Variants in BAHD1 observed in about 807,000 individuals in gnomAD.
BAHD1 encodes the protein bromo adjacent homology domain containing 1.
Under a neutral mutation model 63.1 loss-of-function variants are expected in BAHD1, and 20 were observed. The ratio of observed to expected loss-of-function variants is 0.32; its 90% CI spans 0.22 to 0.46. The LOEUF is 0.46. Ranked by LOEUF, BAHD1 falls within the 20% of genes least tolerant of loss-of-function variation. BAHD1 has a pLI of 1.00. For synonymous variants in BAHD1, 408 were observed against 426.8 expected, an observed-to-expected ratio of 0.96 and a Z score of 0.54; for missense variants, 939 against 1,071.8, an observed-to-expected ratio of 0.88 and a Z score of 1.73.
chr15:40,459,280 A>C lies in BAHD1; in HGVS notation c.816A>C (p.Pro272=). ...CCAGCTCTGGGGAGGCTGCAGGCCC[A>C]CCTGGCTGGCAAGGCTGCCCTGATG... ...QGASSGEAAG[P]PGWQGCPDEP... is the part of the protein sequence containing the mutation. Residue 272 remains proline, a synonymous_variant, in exon 2 of 7, where the codon CCA becomes CCC. Transcript: ENST00000416165. 1 of 1,612,904 alleles carries C rather than the reference A, an allele frequency of 6.2e-7. No homozygotes were observed. Among genetic ancestry groups the C allele is most frequent in the Non-Finnish European group, 8.5e-7 (1 of 1,179,974 alleles).
At chr15:40,438,889 G>A (rs1045166106), upstream of BAHD1, among the ~76,000 whole-genome samples, 7 of 152,224 alleles carry the variant, frequency 4.6e-5, no homozygotes, top group South Asian at 2.1e-4. Flanking sequence ...ACAGGAGCCC[G>A]GCCTCTCTTC....
intron 1 of BAHD1, among the ~76,000 whole-genome samples, chr15:40,441,649 C>T (rs1893405147): frequency 6.8e-6 from 1 of 146,674 alleles, no homozygotes; most frequent in Non-Finnish European, 1.5e-5. Context: ...CTGCGGAGGG[C>T]GGGAGGACGC....
Position 40,459,233 on chromosome 15 carries a change from T to C in BAHD1, c.769T>C (p.Tyr257His). ...GTGGCCCAAGGTCAATGGCAAGAAC[T>C]ATCCCAAGGCTTGGCAGGGGGCCAG... ...PKWPKVNGKN[Y>H]PKAWQGASSG... The change falls in exon 2 of 7, where the codon TAT becomes CAT. Residue 257 changes from tyrosine (Y) to histidine (H), a missense_variant. Coordinates refer to ENST00000416165, the MANE Select transcript of BAHD1 (RefSeq NM_014952.5). 6.2e-7 allele frequency: 1 copy of C among 1,612,166 alleles called. No homozygotes were observed. Among genetic ancestry groups the C allele is most frequent in the Non-Finnish European group, 8.5e-7 (1 of 1,179,334 alleles).
chr15:40,440,613 G>C (rs997982240), upstream of BAHD1, among the ~76,000 whole-genome samples: 1 of 152,012 alleles, frequency 6.6e-6, no homozygotes, highest in Non-Finnish European at 1.5e-5. Context: ...TCGAGTCACC[G>C]TGGGATACGG....
chr15:40,447,523 A>G (rs1893571749), intron 1 of BAHD1, among the ~76,000 whole-genome samples: 1 of 151,530 alleles, frequency 6.6e-6, no homozygotes, highest in Non-Finnish European at 1.5e-5. Flanking sequence ...GCGCCAGTGC[A>G]CTCCAGTCTG....
chr15:40,457,428 C>G (rs913197907), intron 1 of BAHD1, among the ~76,000 whole-genome samples: 11 of 152,026 alleles, frequency 7.2e-5, no homozygotes. Context: ...AAAGCTGAGA[C>G]CTCTCCACCA....
chr15:40,447,514 C>T (rs918976011), intron 1 of BAHD1, among the ~76,000 whole-genome samples: 4 of 150,916 alleles, frequency 2.7e-5, no homozygotes, highest in African/African-American at 7.3e-5. Context: ...TTGCAGATCG[C>T]GCCAGTGCAC....
At position 40,458,925 on chromosome 15, in the gene BAHD1, G is replaced by GCCGTGA. The variant is rs768960296; in HGVS notation, c.468_473dup (p.Asp158_Arg159dup). On this transcript the variant is annotated inframe_insertion, in exon 2 of 7. Coordinates refer to ENST00000416165, the MANE Select transcript of BAHD1 (RefSeq NM_014952.5). This position sits in a 1 kb window ranked among gnomAD's most constrained non-coding sequence, Gnocchi z 4.7. ...AGTCGAGCAGGGGATCCCCACCGCAGCCGTGACCGTGATCGTGCTACTGGG... is the reference window on the plus strand; with the variant it reads ...AGTCGAGCAGGGGATCCCCACCGCAGCCGTGACCGTGACCGTGATCGTGCTACTGGG... 39 of 1,596,634 alleles carry GCCGTGA rather than the reference G, an allele frequency of 2.4e-5. 1 individual carries two copies. The South Asian group carries it at 4.2e-4, about 17-fold the overall frequency.
At chr15:40,437,957 C>G (rs914389630), upstream of BAHD1, among the ~76,000 whole-genome samples, 12 of 152,344 alleles carry the variant, frequency 7.9e-5, no homozygotes, top group African/African-American at 2.9e-4. Context: ...GCAGTTAACC[C>G]TTCCCGATGG....
intron 1 of BAHD1, among the ~76,000 whole-genome samples, chr15:40,453,204 A>T (rs1893755920): frequency 6.6e-6 from 1 of 152,140 alleles, no homozygotes; most frequent in African/African-American, 2.4e-5. Context: ...AGCTAAATAC[A>T]TTGCTCAGGA....
In BAHD1 at chr15:40,459,605, C is replaced by T; in HGVS notation, c.1141C>T (p.Leu381=). The change falls in exon 2 of 7, where the codon CTG becomes TTG. Residue 381 remains leucine, a synonymous_variant. Transcript: ENST00000416165. ...PELTALGSFY[L]YCGQEGLQCG... Reference sequence around the variant, plus strand: ...GCTCACTGCACTAGGCAGCTTCTACCTGTACTGTGGCCAAGAGGGGCTGCA... The same window carrying T: ...GCTCACTGCACTAGGCAGCTTCTACTTGTACTGTGGCCAAGAGGGGCTGCA... 1 of 1,614,210 alleles carries T rather than the reference C, an allele frequency of 6.2e-7. No individual in the cohort carries two copies. The highest frequency in any genetic ancestry group is 1.3e-5 in the African/African-American group (1 of 75,084).
In BAHD1 at chr15:40,441,227, C is replaced by G. The variant is rs1335669703; in HGVS notation, c.-56C>G. 6.6e-6 allele frequency: 1 copy of G among 151,384 alleles called. No homozygotes were observed. Among genetic ancestry groups the G allele is most frequent in the Non-Finnish European group, 1.5e-5 (1 of 67,984 alleles). The allele number at this position is 151,384 out of a possible 1,614,324, so 9.4% of individuals were successfully genotyped here. ...CGCCGGATTCCAGCCCGGCCGGGGCCTGCGGGCGCCCAGAGCCGCGCCGTC... is the reference window on the plus strand; with the variant it reads ...CGCCGGATTCCAGCCCGGCCGGGGCGTGCGGGCGCCCAGAGCCGCGCCGTC... On this transcript the variant is annotated 5_prime_UTR_variant, in exon 1 of 7. Transcript: ENST00000416165.
chr15:40,466,006 C>A lies in BAHD1; in HGVS notation c.2219C>A (p.Pro740His), dbSNP rs764123141. 3.7e-6 allele frequency: 6 copies of A among 1,613,436 alleles called. No individual in the cohort carries two copies. The African/African-American group carries it at 5.3e-5, about 14-fold the overall frequency. Residue 740 changes from proline (P) to histidine (H), a missense_variant, in exon 7 of 7, where the codon CCC (proline) becomes CAC (histidine). Transcript: ENST00000416165. Reference sequence around the variant, plus strand: ...AGCCGAAAGACAGCACTGGTTCCCCCCTCTGCAGACTATTCCACCCCACCC... The same window carrying A: ...AGCCGAAAGACAGCACTGGTTCCCCACTCTGCAGACTATTCCACCCCACCC... ...LPSRKTALVPPSADYSTPPHR... is the reference protein window; with the variant it reads ...LPSRKTALVPHSADYSTPPHR...
In BAHD1 at chr15:40,441,047, C is replaced by G. The variant is rs1047646831; in HGVS notation, c.-236C>G. Among the ~76,000 whole-genome samples, 1 of 146,182 alleles carries G rather than the reference C, an allele frequency of 6.8e-6. No homozygotes were observed. The highest frequency in any genetic ancestry group is 1.5e-5 in the Non-Finnish European group (1 of 65,782). ...CTGCCTGCCCCGCCCGTCCGGCCCC[C>G]GCCGTCCGCCCGCCCCGGCCAGGCG... On this transcript the variant is annotated 5_prime_UTR_variant, in exon 1 of 7. Transcript: ENST00000416165.
At chr15:40,450,106 G>A (rs1396245041) in intron 1 of BAHD1, among the ~76,000 whole-genome samples, 1 of 152,224 alleles carries the variant, frequency 6.6e-6, no homozygotes, top group Non-Finnish European at 1.5e-5. Context: ...GGGATTTACT[G>A]TTAAGGAAGG....
At chr15:40,446,317 C>A (rs1238137281) in intron 1 of BAHD1, among the ~76,000 whole-genome samples, 2 of 152,238 alleles carry the variant, frequency 1.3e-5, no homozygotes, top group African/African-American at 4.8e-5. Flanking sequence ...TGACAAGCAC[C>A]CTCACTGAAC....
At chr15:40,452,125 A>G (rs1893723067) in intron 1 of BAHD1, among the ~76,000 whole-genome samples, 1 of 152,252 alleles carries the variant, frequency 6.6e-6, no homozygotes, top group Non-Finnish European at 1.5e-5. Context: ...GCCTGTGTCC[A>G]GATGGATCAG....
intron 1 of BAHD1, among the ~76,000 whole-genome samples, chr15:40,452,287 CT>C (rs1893729026): frequency 6.6e-6 from 1 of 152,214 alleles, no homozygotes; most frequent in African/African-American, 2.4e-5. Flanking sequence ...CTCTCTCTCT[CT>C]CTTTGAGGAC....
At chr15:40,441,608 G>C (rs559923036) in intron 1 of BAHD1, among the ~76,000 whole-genome samples, 1 of 146,810 alleles carries the variant, frequency 6.8e-6, no homozygotes, top group African/African-American at 2.5e-5. Flanking sequence ...GTGGCAGCTC[G>C]GCCGGGCGGC....
Sources: allele counts gnomAD v4.1 joint callset (sites outside exome capture counted in the v4.1 genomes callset), GRCh38; gene constraint gnomAD v4.1.1; non-coding constraint Gnocchi (gnomAD v3.1); transcripts MANE v1.5; gene names NCBI Gene and HGNC (gene_info 2026-07-23, HGNC 2026-07-21).